MBNL2: variants seen among roughly 807,000 people sequenced by gnomAD.
MBNL2 encodes the protein muscleblind-like protein 2.
Under a neutral mutation model 41.9 loss-of-function variants are expected in MBNL2, and 17 were observed. That is an observed-to-expected ratio of 0.41 (90% CI 0.28 to 0.61). The LOEUF is 0.61. Among genes scored for constraint, MBNL2 ranks in the 20% least tolerant of loss-of-function variants. MBNL2 has a pLI of 0.35. For synonymous variants in MBNL2, 195 were observed against 182.9 expected (o/e 1.07, Z -0.53); for missense variants, 336 against 505.6 (o/e 0.66, Z 3.22).
intron 3 of MBNL2, among the ~76,000 whole-genome samples, chr13:97,338,001 T>C (rs765385682): frequency 6.6e-5 from 10 of 152,142 alleles, no homozygotes; most frequent in Non-Finnish European, 1.2e-4. Context: ...TACTTCCTAA[T>C]CTATCAATAT....
chr13:97,221,215 T>C (rs1050749701), upstream of MBNL2, among the ~76,000 whole-genome samples: 4 of 152,200 alleles, frequency 2.6e-5, no homozygotes, highest in Non-Finnish European at 5.9e-5. Flanking sequence ...GAATAAAGGC[T>C]TTGTTCTGTC....
intron 2 of MBNL2, among the ~76,000 whole-genome samples, chr13:97,305,908 A>G (rs1230780962): frequency 6.6e-6 from 1 of 152,196 alleles, no homozygotes; most frequent in Non-Finnish European, 1.5e-5. Context: ...GAGGAGCGGA[A>G]CAGGGAGGAA....
the MBNL2 span, among the ~76,000 whole-genome samples, chr13:97,163,617 C>G: frequency 1.3e-5 from 2 of 152,170 alleles, no homozygotes; most frequent in Non-Finnish European, 2.9e-5. Context: ...GCCTAGTTTA[C>G]CTGAATACCC....
At chr13:97,218,359 A>G (rs753008696), upstream of MBNL2, among the ~76,000 whole-genome samples, 8 of 151,202 alleles carry the variant, frequency 5.3e-5, no homozygotes, top group Non-Finnish European at 7.4e-5. Context: ...GCAGTGAGCC[A>G]AGATCGCGCC....
intron 2 of MBNL2, among the ~76,000 whole-genome samples, chr13:97,316,458 G>A (rs1594200849): frequency 6.6e-6 from 1 of 152,184 alleles, no homozygotes; most frequent in Non-Finnish European, 1.5e-5. Flanking sequence ...AAGAAAACAA[G>A]TTCTTACAAT....
chr13:97,244,055 A>C (rs1430010865), intron 1 of MBNL2, among the ~76,000 whole-genome samples: 3 of 152,218 alleles, frequency 2.0e-5, no homozygotes, highest in Non-Finnish European at 4.4e-5. Flanking sequence ...TTTGGCTAAA[A>C]ATGACCAAAT....
the MBNL2 span, among the ~76,000 whole-genome samples, chr13:97,192,997 A>G: frequency 6.6e-6 from 1 of 152,246 alleles, no homozygotes; most frequent in Non-Finnish European, 1.5e-5. Flanking sequence ...TTGATGTGAT[A>G]GCTTTGTCCA....
At chr13:97,348,489 A>G (rs1230109706) in intron 5 of MBNL2, among the ~76,000 whole-genome samples, 1 of 152,180 alleles carries the variant, frequency 6.6e-6, no homozygotes, top group African/African-American at 2.4e-5. Flanking sequence ...TCAGAAGTCT[A>G]TGTTAATATG....
At chr13:97,291,604 G>A (rs1038756247) in intron 2 of MBNL2, among the ~76,000 whole-genome samples, 1 of 152,136 alleles carries the variant, frequency 6.6e-6, no homozygotes, top group Admixed American at 6.5e-5. Context: ...CATCAAGAGT[G>A]ATTGCTTGGG....
intron 1 of MBNL2, among the ~76,000 whole-genome samples, chr13:97,234,288 T>G (rs2042900741): frequency 6.6e-6 from 1 of 152,146 alleles, no homozygotes; most frequent in South Asian, 2.1e-4. Flanking sequence ...TTCACGTACT[T>G]GAAGATGTCA....
chr13:97,380,420 G>A (rs112658217), intron 8 of MBNL2, among the ~76,000 whole-genome samples: 1 of 150,964 alleles, frequency 6.6e-6, no homozygotes, highest in African/African-American at 2.4e-5. Context: ...CTTGGACCTG[G>A]GAGGCAGAGG....
intron 8 of MBNL2, among the ~76,000 whole-genome samples, chr13:97,367,371 T>C (rs1166930299): frequency 6.6e-6 from 1 of 152,218 alleles, no homozygotes. Context: ...TCACCTCGCC[T>C]GGAAGAATAC....
At chr13:97,233,490 C>T (rs1227840490) in intron 1 of MBNL2, among the ~76,000 whole-genome samples, 5 of 151,582 alleles carry the variant, frequency 3.3e-5, no homozygotes, top group Non-Finnish European at 5.9e-5. Context: ...TACTAAATGG[C>T]ACACACAGAC....
chr13:97,309,751 A>G (rs1166585694), intron 2 of MBNL2, among the ~76,000 whole-genome samples: 2 of 152,224 alleles, frequency 1.3e-5, no homozygotes, highest in Non-Finnish European at 2.9e-5. Context: ...GAGATGAAAA[A>G]TATCATAGCG....
At chr13:97,181,097 C>A in the MBNL2 span, among the ~76,000 whole-genome samples, 1 of 151,946 alleles carries the variant, frequency 6.6e-6, no homozygotes, top group South Asian at 2.1e-4. Flanking sequence ...CTCTCTCTCC[C>A]CCCCACCTTC....
chr13:97,311,941 A>T (rs1026418165), intron 2 of MBNL2, among the ~76,000 whole-genome samples: 1 of 152,046 alleles, frequency 6.6e-6, no homozygotes, highest in Non-Finnish European at 1.5e-5. Flanking sequence ...GTTATTCTTG[A>T]TCTTATTTTT....
intron 8 of MBNL2, among the ~76,000 whole-genome samples, chr13:97,365,767 C>CTGTCTTTAGGCA (rs1314240934): frequency 6.6e-5 from 10 of 152,250 alleles, no homozygotes; most frequent in Admixed American, 5.9e-4. Context: ...ACATGAATGC[C>CTGTCTTTAGGCA]TTGGTACAAA....
At chr13:97,143,176 C>T in the MBNL2 span, among the ~76,000 whole-genome samples, 1 of 152,332 alleles carries the variant, frequency 6.6e-6, no homozygotes, top group South Asian at 2.1e-4. Context: ...GAAGAATTCT[C>T]TAGTTGTAAA....
the MBNL2 span, among the ~76,000 whole-genome samples, chr13:97,155,642 C>T: frequency 1.0e-4 from 15 of 150,116 alleles, no homozygotes; most frequent in South Asian, 2.1e-4. Context: ...TGAGAATATG[C>T]GGTGTTTGGT....
Sources: allele counts gnomAD v4.1 joint callset (sites outside exome capture counted in the v4.1 genomes callset), GRCh38; gene constraint gnomAD v4.1.1; transcripts MANE v1.5; gene names NCBI Gene and HGNC (gene_info 2026-07-23, HGNC 2026-07-21).